The following NCKAP5 variants were observed in gnomAD, a reference collection of about 807,000 sequenced individuals.
NCKAP5 encodes the protein NCK associated protein 5, also known as nck-associated protein 5.
A neutral mutation model predicts 167.0 loss-of-function variants in NCKAP5; 92 were observed. The ratio of observed to expected loss-of-function variants is 0.55; its 90% CI spans 0.47 to 0.66. The LOEUF is 0.66. Ranked by LOEUF, NCKAP5 falls within the 30% of genes least tolerant of loss-of-function variation. The pLI is 0.00. For missense variants in NCKAP5, 2,378 were observed against 2,315.0 expected (o/e 1.03, Z -0.56); for synonymous variants, 891 against 877.4 (o/e 1.02, Z -0.27).
Position 133,502,057 on chromosome 2 carries a change from G to A in NCKAP5, c.69+15401C>T, listed in dbSNP as rs558671603. Reference sequence around the variant, plus strand: ...TGAGTGTCCGTTCGCCTCGCTTGCTGTGATAATTTCCCGTGACTGCTACTT... The same window carrying A: ...TGAGTGTCCGTTCGCCTCGCTTGCTATGATAATTTCCCGTGACTGCTACTT... On this transcript the variant is annotated intron_variant, in intron 3 of 19. Coordinates refer to ENST00000409261, the MANE Select transcript of NCKAP5 (RefSeq NM_207363.3). Among the ~76,000 whole-genome samples, 4 of 152,330 alleles carry A rather than the reference G, an allele frequency of 2.6e-5. No individual in the cohort carries two copies. The East Asian group carries it at 5.8e-4, about 22-fold the overall frequency.
In NCKAP5 at chr2:133,347,423, C is replaced by A. The variant is rs148571834; in HGVS notation, c.70-44313G>T. Among the ~76,000 whole-genome samples, 1,406 of 152,130 alleles carry A rather than the reference C, an allele frequency of 9.2e-3. 14 individuals carry two copies. The highest frequency in any genetic ancestry group is 0.016 in the Non-Finnish European group (1,114 of 67,968). On this transcript the variant is annotated intron_variant, in intron 3 of 19. Transcript: ENST00000409261. Reference sequence around the variant, plus strand: ...ACAAAATTAGCCAGGCATGGTGGCACATTCCTTTAATCCCAGCTACTCAGG... The same window carrying A: ...ACAAAATTAGCCAGGCATGGTGGCAAATTCCTTTAATCCCAGCTACTCAGG...
At chr2:132,806,687 C>A (rs1367243554) in intron 11 of NCKAP5, among the ~76,000 whole-genome samples, 2 of 152,056 alleles carry the variant, frequency 1.3e-5, no homozygotes, top group Non-Finnish European at 2.9e-5. Context: ...GTCAGATGTA[C>A]AGATTGTGAA....
At chr2:133,324,770 A>T (rs1461576264) in intron 3 of NCKAP5, among the ~76,000 whole-genome samples, 1 of 151,774 alleles carries the variant, frequency 6.6e-6, no homozygotes, top group Non-Finnish European at 1.5e-5. Context: ...CCCAGGCTGG[A>T]GTGCAGTGGC....
chr2:132,740,360 T>A (rs1428025630), intron 16 of NCKAP5, among the ~76,000 whole-genome samples: 1 of 152,132 alleles, frequency 6.6e-6, no homozygotes, highest in Non-Finnish European at 1.5e-5. Flanking sequence ...TTAAGCTACA[T>A]GTGGTATTGG....
chr2:132,921,769 T>C (rs1226387925), intron 8 of NCKAP5, among the ~76,000 whole-genome samples: 3 of 152,180 alleles, frequency 2.0e-5, no homozygotes, highest in African/African-American at 7.2e-5. Flanking sequence ...TACAAGTCAC[T>C]GTTCCTGTGA....
At chr2:133,477,941 C>A (rs1680077491) in intron 3 of NCKAP5, among the ~76,000 whole-genome samples, 1 of 152,260 alleles carries the variant, frequency 6.6e-6, no homozygotes. Context: ...TTACTATTTT[C>A]AGACCATGGT....
At chr2:132,919,961 C>T (rs1222086273) in intron 8 of NCKAP5, among the ~76,000 whole-genome samples, 1 of 152,156 alleles carries the variant, frequency 6.6e-6, no homozygotes, top group Non-Finnish European at 1.5e-5. Context: ...GAAAAGGGAC[C>T]TCTGTGGCCT....
At chr2:132,881,657 C>G (rs759512294) in intron 8 of NCKAP5, among the ~76,000 whole-genome samples, 27 of 146,086 alleles carry the variant, frequency 1.8e-4, no homozygotes, top group Non-Finnish European at 3.3e-4. Flanking sequence ...TTGGTGGAAA[C>G]AGTGCACAGG....
intron 5 of NCKAP5, among the ~76,000 whole-genome samples, chr2:133,175,745 G>A (rs538807940): frequency 6.6e-6 from 1 of 152,272 alleles, no homozygotes; most frequent in South Asian, 2.1e-4. Context: ...TCGCCCCACA[G>A]ATGGGAAACT....
intron 6 of NCKAP5, among the ~76,000 whole-genome samples, chr2:133,031,969 G>A (rs146451918): frequency 1.3e-3 from 194 of 152,222 alleles, no homozygotes; most frequent in Middle Eastern, 6.8e-3. Context: ...GTGATGCCCA[G>A]GTACTATGTA....
In NCKAP5 at chr2:133,436,572, G is replaced by T. The variant is rs1488947921; in HGVS notation, c.69+80886C>A. Reference sequence around the variant, plus strand: ...TTCTAGTCATGTACTGACATTCTCGGCCTCACAGCTAGTTCCCCACCTGCA... The same window carrying T: ...TTCTAGTCATGTACTGACATTCTCGTCCTCACAGCTAGTTCCCCACCTGCA... On this transcript the variant is annotated intron_variant, in intron 3 of 19. Transcript: ENST00000409261. 2.6e-5 allele frequency among the ~76,000 whole-genome samples: 4 copies of T among 152,038 alleles called. No individual in the cohort carries two copies. The East Asian group carries it at 7.7e-4, about 29-fold the overall frequency.
intron 9 of NCKAP5, among the ~76,000 whole-genome samples, chr2:132,874,717 C>T (rs1016186929): frequency 6.6e-6 from 1 of 152,118 alleles, no homozygotes; most frequent in African/African-American, 2.4e-5. Context: ...GCAGTTTCTC[C>T]AACTTTTCGT....
chr2:133,258,287 C>T (rs946448323), intron 4 of NCKAP5, among the ~76,000 whole-genome samples: 9 of 152,200 alleles, frequency 5.9e-5, no homozygotes, highest in African/African-American at 2.2e-4. Flanking sequence ...CCCCTAATCA[C>T]TCCTTGCTCC....
intron 1 of NCKAP5, among the ~76,000 whole-genome samples, chr2:133,560,482 C>T (rs1410007882): frequency 2.0e-5 from 3 of 152,090 alleles, no homozygotes; most frequent in East Asian, 3.9e-4. Context: ...GAGTACATCA[C>T]AAGTAAAGAA....
intron 4 of NCKAP5, among the ~76,000 whole-genome samples, chr2:133,299,949 ACCACCGATC>A (rs1325337111): frequency 1.3e-5 from 2 of 151,442 alleles, no homozygotes; most frequent in Non-Finnish European, 2.9e-5. Context: ...AGGGGATATC[ACCACCGATC>A]CCACAGAAAT....
chr2:132,676,010 A>G (rs770900207), intron 19 of NCKAP5, among the ~76,000 whole-genome samples: 1 of 152,152 alleles, frequency 6.6e-6, no homozygotes, highest in Non-Finnish European at 1.5e-5. Flanking sequence ...GAGCAGCCAT[A>G]AGGAGTGGTG....
At chr2:132,687,827 A>G (rs948767689) in intron 19 of NCKAP5, among the ~76,000 whole-genome samples, 1 of 151,414 alleles carries the variant, frequency 6.6e-6, no homozygotes, top group Non-Finnish European at 1.5e-5. Context: ...AAATAGAATC[A>G]CCCCCTCACA....
chr2:132,781,834 T>G, intron 14 of NCKAP5, 106 bp downstream of exon 14: 1 of 1,053,876 alleles, frequency 9.5e-7, no homozygotes, highest in Non-Finnish European at 1.4e-6. Context: ...TCTGCCTGTA[T>G]GAAAAAACAT....
chr2:132,811,749 C>T lies in NCKAP5; in HGVS notation c.808-15020G>A, dbSNP rs539894035. Among the ~76,000 whole-genome samples the T allele has an allele frequency of 4.5e-4, 68 of 152,158 alleles. 3 individuals carry two copies. The highest frequency in any genetic ancestry group is 1.3e-4 in the Non-Finnish European group (9 of 68,014). On this transcript the variant is annotated intron_variant, in intron 11 of 19. Coordinates refer to ENST00000409261, the MANE Select transcript of NCKAP5 (RefSeq NM_207363.3). ...GTTCTTCCCCTGCCTGTGGAGTCTGCAAACCAGATTTGTGCCCTCCTCTGA... is the reference window on the plus strand; with the variant it reads ...GTTCTTCCCCTGCCTGTGGAGTCTGTAAACCAGATTTGTGCCCTCCTCTGA...
Sources: gnomAD v4.1 joint callset for allele counts (sites outside exome capture counted in the v4.1 genomes callset) on GRCh38, gnomAD v4.1.1 for gene constraint, MANE v1.5 for transcripts, NCBI Gene and HGNC (gene_info 2026-07-23, HGNC 2026-07-21) for gene names.